The following ACADSB variants were observed in gnomAD, a reference collection of about 807,000 sequenced individuals.
ACADSB encodes short/branched chain specific acyl-CoA dehydrogenase, mitochondrial.
A neutral mutation model predicts 54.1 loss-of-function variants in ACADSB; 40 were observed. That is an observed-to-expected ratio of 0.74 (90% CI 0.57 to 0.96). ACADSB has a LOEUF of 0.96. Ranked by LOEUF, ACADSB falls within the 40% of genes least tolerant of loss-of-function variation. The pLI is 0.00. For missense variants in ACADSB, 530 were observed against 510.4 expected, an observed-to-expected ratio of 1.04 and a Z score of -0.37; for synonymous variants, 182 against 182.8, an observed-to-expected ratio of 1.00 and a Z score of 0.03.
chr10:123,041,415 A>C (rs1201778746), intron 5 of ACADSB, 36 bp downstream of exon 5: 1 of 1,600,404 alleles, frequency 6.2e-7, no homozygotes, highest in South Asian at 1.1e-5. Context: ...CTTTTTCCAA[A>C]CCCCTTCTTT....
Position 123,009,049 on chromosome 10 carries a change from G to C in ACADSB, c.20G>C (p.Arg7Pro). 6.5e-7 allele frequency: 1 copy of C among 1,547,892 alleles called. No homozygotes were observed. The highest frequency in any genetic ancestry group is 8.7e-7 in the Non-Finnish European group (1 of 1,146,808). The change falls in exon 1 of 11, where the codon CGG (arginine) becomes CCG (proline). Residue 7 changes from arginine (R) to proline (P), a missense_variant. By Grantham distance (103) the Arg-to-Pro change is moderately radical (BLOSUM62 -2). Coordinates refer to ENST00000358776, the MANE Select transcript of ACADSB (RefSeq NM_001609.4). MEGLAV[R>P]LLRGSRLLRR... ...GCGAGGATGGAGGGCCTGGCAGTGC[G>C]GTTGCTGCGCGGCAGCAGGCTGGTG...
At chr10:123,047,900 G>A (rs901576396) in intron 8 of ACADSB, among the ~76,000 whole-genome samples, 1 of 152,192 alleles carries the variant, frequency 6.6e-6, no homozygotes, top group Non-Finnish European at 1.5e-5. Flanking sequence ...ATGAGGTGCA[G>A]TCAGCCAAGC....
intron 1 of ACADSB, among the ~76,000 whole-genome samples, chr10:123,014,666 G>A (rs1296545940): frequency 1.3e-5 from 2 of 152,208 alleles, no homozygotes; most frequent in Non-Finnish European, 2.9e-5. Flanking sequence ...GGGAGGTAGG[G>A]TATCTGTTTT....
intron 1 of ACADSB, among the ~76,000 whole-genome samples, chr10:123,013,598 C>T (rs1260208327): frequency 6.6e-6 from 1 of 152,232 alleles, no homozygotes; most frequent in Admixed American, 6.5e-5. Context: ...AGCCCACTGG[C>T]GGTGGCGGGG....
At position 123,040,506 on chromosome 10, in the gene ACADSB, G is replaced by T; in HGVS notation, c.344G>T (p.Gly115Val). ...GTTGACCCAGAATATGGAGGCACAG[G>T]AGCTTCATTTTTATCCACTGTGCTC... is the stretch of plus-strand genomic sequence containing the variant. ...IEVDPEYGGT[G>V]ASFLSTVLVI... The change falls in exon 4 of 11, where the codon GGA (glycine) becomes GTA (valine). Residue 115 changes from glycine to valine, a missense_variant. Gly to Val is a moderately radical substitution (Grantham distance 109). Coordinates refer to ENST00000358776, the MANE Select transcript of ACADSB (RefSeq NM_001609.4). 2 of 1,614,082 alleles carry T rather than the reference G, an allele frequency of 1.2e-6. No homozygotes were observed. The highest frequency in any genetic ancestry group is 2.2e-5 in the South Asian group (2 of 91,078).
Position 123,044,382 on chromosome 10 carries a change from T to C in ACADSB, c.808-11T>C. On this transcript the variant is annotated splice_polypyrimidine_tract_variant and intron_variant, in intron 6 of 10. Transcript: ENST00000358776. ...TGAAACTGAGAAATAAGTGCACATT[T>C]GTATTTTCAGGTTCCAGAAGCCAAT... is the stretch of plus-strand genomic sequence containing the variant. 6.3e-7 allele frequency: 1 copy of C among 1,592,346 alleles called. No homozygotes were observed. Among genetic ancestry groups the C allele is most frequent in the Non-Finnish European group, 8.6e-7 (1 of 1,160,320 alleles).
At chr10:123,045,563 T>C (rs563300955) in intron 7 of ACADSB, among the ~76,000 whole-genome samples, 3 of 152,296 alleles carry the variant, frequency 2.0e-5, no homozygotes, top group Non-Finnish European at 2.9e-5. Flanking sequence ...ACATATAAGC[T>C]ATTGGAATAA....
intron 7 of ACADSB, among the ~76,000 whole-genome samples, chr10:123,046,117 T>A (rs4128783): frequency 6.6e-6 from 1 of 152,152 alleles, no homozygotes; most frequent in Non-Finnish European, 1.5e-5. Flanking sequence ...TATAGTGACA[T>A]CATCTTATCT....
intron 1 of ACADSB, among the ~76,000 whole-genome samples, chr10:123,016,020 T>C (rs933950395): frequency 3.9e-5 from 6 of 152,168 alleles, no homozygotes; most frequent in African/African-American, 1.2e-4. Context: ...CTAAATGAAA[T>C]AGCTTAGTGA....
chr10:123,013,420 C>G (rs868563854), intron 1 of ACADSB, among the ~76,000 whole-genome samples: 2 of 152,276 alleles, frequency 1.3e-5, no homozygotes, highest in African/African-American at 4.8e-5. Context: ...CCACTAGACT[C>G]AGGAGCCCAG....
intron 1 of ACADSB, among the ~76,000 whole-genome samples, chr10:123,009,340 G>T (rs1187658418): frequency 6.6e-6 from 1 of 152,152 alleles, no homozygotes; most frequent in African/African-American, 2.4e-5. Context: ...GGTCGCGTCC[G>T]CAAGATGTCC....
rs1238137610 is a variant in ACADSB at position 123,041,226 on chromosome 10, T to A, written c.528T>A (p.Leu176=). 1.2e-6 allele frequency: 2 copies of A among 1,614,178 alleles called. No individual in the cohort carries two copies. The highest frequency in any genetic ancestry group is 2.2e-5 in the South Asian group (2 of 91,084). ...ATATGTAGGTAGGAAGTTTCTGCCTTTCAGAGGCTGGAGCAGGTAGTGACT... is the reference window on the plus strand; with the variant it reads ...ATATGTAGGTAGGAAGTTTCTGCCTATCAGAGGCTGGAGCAGGTAGTGACT... ...LTTEKVGSFC[L]SEAGAGSDSF... is the part of the protein sequence containing the mutation. The change falls in exon 5 of 11, where the codon CTT becomes CTA. Residue 176 remains leucine, a synonymous_variant. Coordinates refer to ENST00000358776, the MANE Select transcript of ACADSB (RefSeq NM_001609.4).
intron 1 of ACADSB, among the ~76,000 whole-genome samples, chr10:123,029,253 C>T (rs1850294329): frequency 6.6e-6 from 1 of 150,660 alleles, no homozygotes; most frequent in South Asian, 2.1e-4. Context: ...GACTGAGGCA[C>T]AAGAATCACT....
rs772889094 is a variant in ACADSB at position 123,034,471 on chromosome 10, C to T, written c.158C>T (p.Pro53Leu). 12 of 1,612,208 alleles carry T rather than the reference C, an allele frequency of 7.4e-6. No homozygotes were observed. Among genetic ancestry groups the T allele is most frequent in the South Asian group, 1.1e-5 (1 of 91,084 alleles). Reference sequence around the variant, plus strand: ...ACAAATAATGGAATACACTTTGCTCCCCTGCAAACATTTACAGATGAGGAA... The same window carrying T: ...ACAAATAATGGAATACACTTTGCTCTCCTGCAAACATTTACAGATGAGGAA... Reference protein sequence around the residue: ...NITNNGIHFAPLQTFTDEEMM... With the variant: ...NITNNGIHFALLQTFTDEEMM... Residue 53 changes from proline (P) to leucine (L), a missense_variant, in exon 2 of 11, where the codon CCC becomes CTC. Pro to Leu is a moderately conservative substitution (Grantham distance 98). Coordinates refer to ENST00000358776, the MANE Select transcript of ACADSB (RefSeq NM_001609.4).
intron 1 of ACADSB, among the ~76,000 whole-genome samples, chr10:123,021,453 A>G (rs1374616480): frequency 2.0e-5 from 3 of 152,210 alleles, no homozygotes; most frequent in Non-Finnish European, 2.9e-5. Context: ...AACCTTCCAC[A>G]ACTTGTTCAA....
chr10:123,048,322 T>G (rs1850586969), intron 8 of ACADSB, among the ~76,000 whole-genome samples: 1 of 152,152 alleles, frequency 6.6e-6, no homozygotes, highest in Non-Finnish European at 1.5e-5. Flanking sequence ...GCCTGGCCAG[T>G]GCCTACCACA....
chr10:123,042,604 C>T (rs1164512421), intron 5 of ACADSB, among the ~76,000 whole-genome samples: 2 of 151,602 alleles, frequency 1.3e-5, no homozygotes, highest in African/African-American at 2.4e-5. Context: ...CCTGCCACCA[C>T]ACCCAGCTAA....
At chr10:123,045,613 A>G (rs1005137239) in intron 7 of ACADSB, among the ~76,000 whole-genome samples, 1 of 152,146 alleles carries the variant, frequency 6.6e-6, no homozygotes, top group Non-Finnish European at 1.5e-5. Context: ...TGCTGCTGTT[A>G]CTTTGCTAAC....
rs756015516 is a variant in ACADSB, at chr10:123,043,074, T to C, written c.710T>C (p.Val237Ala). 121 of 1,613,800 alleles carry C rather than the reference T, an allele frequency of 7.5e-5. No individual in the cohort carries two copies. The highest frequency in any genetic ancestry group is 9.9e-5 in the Non-Finnish European group (117 of 1,179,826). ...TATAAGGGAATTACCTCCTTCTTAG[T>C]AGATCGTGATACTCCGGGCCTTCAT... ...IGYKGITSFL[V>A]DRDTPGLHIG... The change falls in exon 6 of 11, where the codon GTA becomes GCA. Residue 237 changes from valine (V) to alanine (A), a missense_variant. Transcript: ENST00000358776.
Sources: gnomAD v4.1 joint callset for allele counts (sites outside exome capture counted in the v4.1 genomes callset) on GRCh38, gnomAD v4.1.1 for gene constraint, MANE v1.5 for transcripts, NCBI Gene and HGNC (gene_info 2026-07-23, HGNC 2026-07-21) for gene names.